EML1: variants seen among roughly 807,000 people sequenced by gnomAD.
The protein encoded by EML1 is echinoderm microtubule-associated protein-like 1.
A neutral mutation model predicts 110.4 loss-of-function variants in EML1; 27 were observed. The observed-to-expected ratio is 0.24, with a 90% CI of 0.18 to 0.34. The LOEUF is 0.34. Ranked by LOEUF, EML1 falls within the 10% of genes least tolerant of loss-of-function variation. The probability of loss-of-function intolerance (pLI) is 1.00; values close to 1 mark genes in which losing one functional copy is unlikely to be tolerated. For missense variants in EML1, 741 were observed against 1,030.9 expected, an observed-to-expected ratio of 0.72 and a Z score of 3.85; for synonymous variants, 344 against 385.8, an observed-to-expected ratio of 0.89 and a Z score of 1.27.
intron 1 of EML1, among the ~76,000 whole-genome samples, chr14:99,806,277 A>C (rs907728264): frequency 2.0e-5 from 3 of 149,952 alleles, no homozygotes; most frequent in African/African-American, 4.9e-5. Context: ...AGCCCTGCTC[A>C]GCCTCCTGTG....
chr14:99,814,210 T>C (rs1207077729), intron 1 of EML1, among the ~76,000 whole-genome samples: 2 of 152,156 alleles, frequency 1.3e-5, no homozygotes, highest in East Asian at 3.8e-4. Flanking sequence ...CTAGATTTCA[T>C]CTTAAAAGAG....
chr14:99,892,756 A>C (rs1222672404), intron 5 of EML1, among the ~76,000 whole-genome samples: 2 of 152,218 alleles, frequency 1.3e-5, no homozygotes, highest in Non-Finnish European at 2.9e-5. Context: ...TGATAGACTC[A>C]TGTGGATATT....
intron 8 of EML1, among the ~76,000 whole-genome samples, chr14:99,898,820 T>G (rs2059713441): frequency 6.6e-6 from 1 of 151,942 alleles, no homozygotes; most frequent in Non-Finnish European, 1.5e-5. Flanking sequence ...TTTCATCAGA[T>G]TTTTAAATAG....
At chr14:99,778,421 CT>C (rs1340440213) in intron 1 of EML1, among the ~76,000 whole-genome samples, 8 of 152,062 alleles carry the variant, frequency 5.3e-5, no homozygotes, top group African/African-American at 1.9e-4. Context: ...ATATGTAAAT[CT>C]TTTTCTGACA....
At chr14:99,869,853 G>T (rs995858090) in intron 3 of EML1, among the ~76,000 whole-genome samples, 3 of 152,210 alleles carry the variant, frequency 2.0e-5, no homozygotes, top group African/African-American at 7.2e-5. Context: ...TCTTGCCAAA[G>T]GACGTGCCTG....
intron 1 of EML1, among the ~76,000 whole-genome samples, chr14:99,780,537 G>A (rs1313005694): frequency 4.6e-5 from 7 of 152,028 alleles, no homozygotes; most frequent in Admixed American, 4.6e-4. Flanking sequence ...GAACATGGAG[G>A]CAAACTCAAT....
chr14:99,747,854 C>T (rs1225187186), intron 1 of EML1, among the ~76,000 whole-genome samples: 2 of 152,204 alleles, frequency 1.3e-5, no homozygotes, highest in East Asian at 3.9e-4. Flanking sequence ...GAAGGGGCCT[C>T]ATCTCACCTT....
At chr14:99,751,587 G>A (rs1210578579) in intron 1 of EML1, among the ~76,000 whole-genome samples, 1 of 152,154 alleles carries the variant, frequency 6.6e-6, no homozygotes, top group Non-Finnish European at 1.5e-5. Context: ...TCGTGAATCA[G>A]GGACGGGGTG....
chr14:99,753,698 C>A (rs1566849680), intron 1 of EML1, among the ~76,000 whole-genome samples: 1 of 152,192 alleles, frequency 6.6e-6, no homozygotes, highest in African/African-American at 2.4e-5. Flanking sequence ...TCTACCCCAG[C>A]CCTGGCACAT....
chr14:99,860,407 C>T (rs943014290), intron 2 of EML1, among the ~76,000 whole-genome samples: 4 of 152,128 alleles, frequency 2.6e-5, no homozygotes, highest in African/African-American at 9.7e-5. Flanking sequence ...TATGTCACTT[C>T]TGCATTTTTA....
intron 2 of EML1, among the ~76,000 whole-genome samples, chr14:99,864,820 AAAAAG>A (rs1244972936): frequency 6.6e-6 from 1 of 151,726 alleles, no homozygotes. Flanking sequence ...AAAAAAAAAA[AAAAAG>A]AAAAGATGAT....
chr14:99,747,564 A>T (rs1304710324), intron 1 of EML1, among the ~76,000 whole-genome samples: 1 of 152,078 alleles, frequency 6.6e-6, no homozygotes, highest in Non-Finnish European at 1.5e-5. Flanking sequence ...GCTGTCAGAG[A>T]CCCAAGGAAC....
In EML1 at chr14:99,910,503, C is replaced by T. The variant is rs551478798; in HGVS notation, c.1339+162C>T. ...CATGTGTGCATGTGTAACTTGAAAC[C>T]ACAAAACTAGAACAGAGGAAAAGCG... On this transcript the variant is annotated intron_variant, in intron 12 of 21. Transcript: ENST00000262233. Among the ~76,000 whole-genome samples the T allele has an allele frequency of 1.8e-4, 28 of 152,214 alleles. 1 individual carries two copies. The South Asian group carries it at 5.8e-3, about 32-fold the overall frequency.
intron 1 of EML1, among the ~76,000 whole-genome samples, chr14:99,795,067 A>G (rs1437054723): frequency 2.0e-5 from 3 of 152,216 alleles, no homozygotes; most frequent in Non-Finnish European, 2.9e-5. Context: ...TTTGTATTAA[A>G]TGACTTTGAG....
chr14:99,892,851 A>G (rs2059610679), intron 5 of EML1, among the ~76,000 whole-genome samples: 1 of 152,218 alleles, frequency 6.6e-6, no homozygotes, highest in Non-Finnish European at 1.5e-5. Context: ...TTCCTAACCT[A>G]CATTCTGCGA....
chr14:99,881,568 A>G (rs1211852), intron 4 of EML1, among the ~76,000 whole-genome samples: 2 of 151,134 alleles, frequency 1.3e-5, no homozygotes, highest in African/African-American at 2.4e-5. Context: ...AAGTAATTAC[A>G]TGTTTTGCTT....
At chr14:99,767,746 C>G (rs2057382232) in intron 1 of EML1, among the ~76,000 whole-genome samples, 1 of 152,120 alleles carries the variant, frequency 6.6e-6, no homozygotes, top group Non-Finnish European at 1.5e-5. Context: ...TTATTTCAGG[C>G]CAAGGTGCTG....
chr14:99,759,529 C>T (rs973735262), intron 1 of EML1, among the ~76,000 whole-genome samples: 15 of 152,244 alleles, frequency 9.9e-5, no homozygotes, highest in Non-Finnish European at 1.5e-5. Flanking sequence ...ACCTTTCCTG[C>T]TATCAACAGC....
At chr14:99,835,938 C>T (rs1163789673) in intron 1 of EML1, among the ~76,000 whole-genome samples, 3 of 152,178 alleles carry the variant, frequency 2.0e-5, no homozygotes, top group Non-Finnish European at 4.4e-5. Context: ...ATTACTATAG[C>T]TTTATAAGTC....
Sources: gnomAD v4.1 joint callset for allele counts (sites outside exome capture counted in the v4.1 genomes callset) on GRCh38, gnomAD v4.1.1 for gene constraint, MANE v1.5 for transcripts, NCBI Gene and HGNC (gene_info 2026-07-23, HGNC 2026-07-21) for gene names.